TRPC7: variants seen among roughly 807,000 people sequenced by gnomAD.
The protein encoded by TRPC7 is short transient receptor potential channel 7.
A neutral mutation model predicts 90.1 loss-of-function variants in TRPC7; 42 were observed. The observed-to-expected ratio is 0.47, with a 90% CI of 0.36 to 0.60. TRPC7 has a LOEUF of 0.60. Ranked by LOEUF, TRPC7 falls within the 20% of genes least tolerant of loss-of-function variation. The pLI is 0.00. For synonymous variants in TRPC7, 451 were observed against 436.3 expected (o/e 1.03, Z -0.42); for missense variants, 955 against 1,112.3 (o/e 0.86, Z 2.01).
In TRPC7 at chr5:136,226,425, A is replaced by G. The variant is rs1036134438; in HGVS notation, c.2041-170T>C. 5.0e-6 allele frequency: 3 copies of G among 605,706 alleles called. No individual in the cohort carries two copies. In the Admixed American group the frequency reaches 8.9e-5, roughly 18 times the overall value. The allele number at this position is 605,706 out of a possible 1,614,324, so 37.5% of individuals were successfully genotyped here. On this transcript the variant is annotated intron_variant, in intron 8 of 11. Transcript: ENST00000513104. ...GAGAAGGGGAGTTTGCTCTCACTAA[A>G]ACCATGCACAATGGTCACTTTCTGC...
At chr5:136,248,601 A>T (rs1041243212) in intron 6 of TRPC7, among the ~76,000 whole-genome samples, 1 of 152,212 alleles carries the variant, frequency 6.6e-6, no homozygotes, top group African/African-American at 2.4e-5. Context: ...CTAAGGCCCC[A>T]AAGTGGTGAC....
Position 136,274,026 on chromosome 5 carries a change from A to G in TRPC7, c.1128+647T>C, listed in dbSNP as rs191814970. On this transcript the variant is annotated intron_variant, in intron 4 of 11. Coordinates refer to ENST00000513104, the MANE Select transcript of TRPC7 (RefSeq NM_020389.3). Reference sequence around the variant, plus strand: ...GGACACTCCCCCTCAGGGAAATAACACTCCTTTTGAGCTCTTCTTCTCTTT... The same window carrying G: ...GGACACTCCCCCTCAGGGAAATAACGCTCCTTTTGAGCTCTTCTTCTCTTT... 3.3e-4 allele frequency among the ~76,000 whole-genome samples: 50 copies of G among 151,590 alleles called. 1 individual carries two copies. Among genetic ancestry groups the G allele is most frequent in the Middle Eastern group, 3.4e-3 (1 of 292 alleles).
At chr5:136,296,838 G>A (rs1265690441) in intron 3 of TRPC7, among the ~76,000 whole-genome samples, 2 of 152,126 alleles carry the variant, frequency 1.3e-5, no homozygotes, top group African/African-American at 4.8e-5. Flanking sequence ...CAGACAACCT[G>A]GAGGCCGTGT....
In TRPC7 at chr5:136,287,060, C is replaced by A. The variant is rs550398875; in HGVS notation, c.964-12223G>T. 2.6e-5 allele frequency among the ~76,000 whole-genome samples: 4 copies of A among 152,280 alleles called. No individual in the cohort carries two copies. The East Asian group carries it at 7.7e-4, about 29-fold the overall frequency. Reference sequence around the variant, plus strand: ...TCCTTCCCTTTGACAGCACTGTAGTCCAGATGCCGCCTACCGCTCCCTAAG... The same window carrying A: ...TCCTTCCCTTTGACAGCACTGTAGTACAGATGCCGCCTACCGCTCCCTAAG... On this transcript the variant is annotated intron_variant, in intron 3 of 11. Transcript: ENST00000513104.
chr5:136,330,638 A>C (rs1759470414), intron 2 of TRPC7, among the ~76,000 whole-genome samples: 1 of 152,254 alleles, frequency 6.6e-6, no homozygotes, highest in African/African-American at 2.4e-5. Flanking sequence ...AAAAGTGCTG[A>C]AACTTTAGGT....
intron 3 of TRPC7, among the ~76,000 whole-genome samples, chr5:136,282,964 CAG>C (rs200270888): frequency 0.021 from 3,164 of 152,290 alleles, 59 homozygotes; most frequent in Middle Eastern, 0.085. Flanking sequence ...GGCTGGACGA[CAG>C]GGGATTGTTT....
intron 3 of TRPC7, among the ~76,000 whole-genome samples, chr5:136,308,147 T>C (rs1419284584): frequency 6.6e-6 from 1 of 152,198 alleles, no homozygotes; most frequent in Non-Finnish European, 1.5e-5. Flanking sequence ...TATTTACATA[T>C]ATACATGCTG....
intron 4 of TRPC7, among the ~76,000 whole-genome samples, chr5:136,273,875 C>T (rs1757278707): frequency 6.6e-6 from 1 of 152,154 alleles, no homozygotes; most frequent in Non-Finnish European, 1.5e-5. Flanking sequence ...TGACTCTTCC[C>T]CGAAGCTGGA....
At chr5:136,301,360 T>TA (rs70976599) in intron 3 of TRPC7, among the ~76,000 whole-genome samples, 1 of 70,084 alleles carries the variant, frequency 1.4e-5, no homozygotes, top group Admixed American at 1.3e-4. Context: ...TTTTTTTTTT[T>TA]AACAAATCAT....
chr5:136,274,648 G>A (rs1243500295), intron 4 of TRPC7, 25 bp downstream of exon 4: 8 of 1,573,400 alleles, frequency 5.1e-6, no homozygotes, highest in Non-Finnish European at 4.3e-6. Context: ...AACCGCAAAC[G>A]ACATGCACCT....
chr5:136,289,483 A>G (rs57191890), intron 3 of TRPC7, among the ~76,000 whole-genome samples: 27,937 of 152,254 alleles, frequency 0.18, 4,081 homozygotes, highest in African/African-American at 0.39. Flanking sequence ...CAAATGGCAC[A>G]CCAGGAGATT....
chr5:136,322,230 G>T (rs1003996962), intron 2 of TRPC7, among the ~76,000 whole-genome samples: 29 of 152,090 alleles, frequency 1.9e-4, no homozygotes, highest in Non-Finnish European at 2.4e-4. Flanking sequence ...GGTCAGGCTG[G>T]TCTTGAACTC....
At chr5:136,216,327 CA>C in intron 10 of TRPC7, 52 bp from the exon 11 acceptor site, 1 of 1,459,934 alleles carries the variant, frequency 6.8e-7, no homozygotes, top group Non-Finnish European at 9.5e-7. Context: ...AATGCAGAGG[CA>C]GCCTGCGTGG....
chr5:136,227,772 G>A (rs896071950), intron 8 of TRPC7, among the ~76,000 whole-genome samples: 1 of 152,198 alleles, frequency 6.6e-6, no homozygotes, highest in Non-Finnish European at 1.5e-5. Context: ...ATGCAACCAT[G>A]GCAGGTGATG....
intron 6 of TRPC7, among the ~76,000 whole-genome samples, chr5:136,248,696 T>G (rs1393486407): frequency 6.6e-6 from 1 of 152,210 alleles, no homozygotes; most frequent in African/African-American, 2.4e-5. Flanking sequence ...GCTCTGCTTG[T>G]GGTCACTGTG....
rs529305414 is a variant in TRPC7, at chr5:136,344,913, C to T, written c.780+11695G>A. Among the ~76,000 whole-genome samples the T allele has an allele frequency of 1.5e-3, 227 of 152,270 alleles. 2 individuals carry two copies. The highest frequency in any genetic ancestry group is 2.4e-3 in the Non-Finnish European group (160 of 68,014). On this transcript the variant is annotated intron_variant, in intron 2 of 11. Transcript: ENST00000513104. ...AACTAAACACATGTGCAAGCACACA[C>T]GCAAAACAACCACCATATTTTTTCA...
intron 2 of TRPC7, among the ~76,000 whole-genome samples, chr5:136,324,271 A>G (rs913002194): frequency 1.3e-5 from 2 of 152,134 alleles, no homozygotes; most frequent in Non-Finnish European, 2.9e-5. Context: ...CCTAGTTCAA[A>G]TGTATTTCTT....
At chr5:136,296,621 G>A (rs1309271152) in intron 3 of TRPC7, among the ~76,000 whole-genome samples, 1 of 152,106 alleles carries the variant, frequency 6.6e-6, no homozygotes, top group Non-Finnish European at 1.5e-5. Flanking sequence ...CTACTGCCAG[G>A]TGGATCAAAT....
At chr5:136,216,506 G>C (rs1755273880) in intron 10 of TRPC7, among the ~76,000 whole-genome samples, 2 of 152,176 alleles carry the variant, frequency 1.3e-5, no homozygotes, top group South Asian at 4.1e-4. Context: ...GATGTAACAG[G>C]AATACTTCTT....
Sources: gnomAD v4.1 joint callset for allele counts (sites outside exome capture counted in the v4.1 genomes callset) on GRCh38, gnomAD v4.1.1 for gene constraint, MANE v1.5 for transcripts, NCBI Gene and HGNC (gene_info 2026-07-23, HGNC 2026-07-21) for gene names.